Variants in L3MBTL4 observed in about 807,000 individuals in gnomAD.
The protein encoded by L3MBTL4 is lethal(3)malignant brain tumor-like protein 4.
L3MBTL4 carries 70 observed loss-of-function variants against 84.5 expected under a neutral mutation model. The observed-to-expected ratio is 0.83, with a 90% CI of 0.68 to 1.01. The LOEUF (loss-of-function observed/expected upper bound fraction) is 1.01, where lower values mean the gene tolerates loss of function less well. Ranked by LOEUF, L3MBTL4 falls within the 50% of genes least tolerant of loss-of-function variation. The probability of loss-of-function intolerance (pLI) is 0.00; values close to 1 mark genes in which losing one functional copy is unlikely to be tolerated. For missense variants in L3MBTL4, 715 were observed against 754.8 expected (o/e 0.95, Z 0.62); for synonymous variants, 274 against 259.8 (o/e 1.05, Z -0.52).
At chr18:6,304,214 A>C (rs527357912) in intron 3 of L3MBTL4, among the ~76,000 whole-genome samples, 63 of 152,302 alleles carry the variant, frequency 4.1e-4, no homozygotes, top group South Asian at 6.2e-4. Flanking sequence ...AAGGTATAAA[A>C]GATAATTTGT....
intron 16 of L3MBTL4, among the ~76,000 whole-genome samples, chr18:6,061,109 G>A (rs896737722): frequency 6.6e-6 from 1 of 152,078 alleles, no homozygotes; most frequent in African/African-American, 2.4e-5. Context: ...CTTTCAAAGC[G>A]GCTGTACCAT....
At chr18:6,374,699 C>A (rs1157374940) in intron 1 of L3MBTL4, among the ~76,000 whole-genome samples, 3 of 152,112 alleles carry the variant, frequency 2.0e-5, no homozygotes, top group African/African-American at 4.8e-5. Context: ...GAGTCCTGGT[C>A]CCAGTGAAAA....
At chr18:5,999,075 T>C (rs931606161) in intron 16 of L3MBTL4, among the ~76,000 whole-genome samples, 5 of 152,218 alleles carry the variant, frequency 3.3e-5, no homozygotes, top group African/African-American at 1.2e-4. Flanking sequence ...GACACCTGAC[T>C]CACAGTCCCA....
At chr18:6,066,838 C>T (rs2057415154) in intron 16 of L3MBTL4, among the ~76,000 whole-genome samples, 1 of 150,658 alleles carries the variant, frequency 6.6e-6, no homozygotes, top group Non-Finnish European at 1.5e-5. Context: ...AAGTAGAACA[C>T]TTAGGCCGTT....
chr18:6,365,821 TGCC>T (rs1333562951), intron 1 of L3MBTL4, among the ~76,000 whole-genome samples: 2 of 152,246 alleles, frequency 1.3e-5, no homozygotes, highest in African/African-American at 4.8e-5. Context: ...CATTAGAGTT[TGCC>T]CTAAGTCACT....
At chr18:6,332,181 T>C (rs971421966) in intron 1 of L3MBTL4, among the ~76,000 whole-genome samples, 25 of 152,188 alleles carry the variant, frequency 1.6e-4, no homozygotes, top group Non-Finnish European at 2.6e-4. Context: ...AGGGAAATAA[T>C]GCTACCCTAC....
intron 17 of L3MBTL4, among the ~76,000 whole-genome samples, chr18:5,961,294 C>T (rs2095262141): frequency 6.6e-6 from 1 of 152,154 alleles, no homozygotes; most frequent in Non-Finnish European, 1.5e-5. Context: ...AGACGCTGCC[C>T]CTGACGGTGC....
At chr18:6,196,797 C>T (rs1156358488) in intron 12 of L3MBTL4, among the ~76,000 whole-genome samples, 2 of 152,210 alleles carry the variant, frequency 1.3e-5, no homozygotes, top group African/African-American at 2.4e-5. Context: ...GAGGAAGCCA[C>T]AACCATGTTG....
chr18:6,045,916 C>T (rs1029662628), intron 16 of L3MBTL4, among the ~76,000 whole-genome samples: 2 of 152,130 alleles, frequency 1.3e-5, no homozygotes, highest in African/African-American at 2.4e-5. Context: ...TAGTCTAAAA[C>T]TCTCCACTTA....
At chr18:6,209,910 T>A (rs1055293919) in intron 12 of L3MBTL4, among the ~76,000 whole-genome samples, 1 of 152,154 alleles carries the variant, frequency 6.6e-6, no homozygotes, top group Non-Finnish European at 1.5e-5. Context: ...ATTATAGGAT[T>A]CTGTTTATAT....
At chr18:6,161,247 A>C (rs2043325452) in intron 13 of L3MBTL4, among the ~76,000 whole-genome samples, 1 of 152,248 alleles carries the variant, frequency 6.6e-6, no homozygotes, top group African/African-American at 2.4e-5. Flanking sequence ...TTAATCTGGC[A>C]GCAGGGTACC....
intron 1 of L3MBTL4, among the ~76,000 whole-genome samples, chr18:6,370,470 C>T (rs921768509): frequency 6.6e-6 from 1 of 152,130 alleles, no homozygotes; most frequent in Non-Finnish European, 1.5e-5. Context: ...AATCACCAGC[C>T]GCCCGTCTAT....
chr18:6,339,629 A>T (rs1396992013), intron 1 of L3MBTL4, among the ~76,000 whole-genome samples: 1 of 152,202 alleles, frequency 6.6e-6, no homozygotes, highest in Non-Finnish European at 1.5e-5. Flanking sequence ...TGGAAATAAA[A>T]TGCACAATAG....
At chr18:5,982,462 T>C (rs1485617429) in intron 16 of L3MBTL4, among the ~76,000 whole-genome samples, 2 of 152,166 alleles carry the variant, frequency 1.3e-5, no homozygotes, top group South Asian at 2.1e-4. Flanking sequence ...AAGGTCTCTG[T>C]CACATGAAAT....
intron 16 of L3MBTL4, among the ~76,000 whole-genome samples, chr18:6,073,176 T>C (rs1275329265): frequency 7.0e-6 from 1 of 142,392 alleles, no homozygotes; most frequent in Admixed American, 7.0e-5. Flanking sequence ...AGAGAGAGAG[T>C]GAGAGAGACA....
intron 16 of L3MBTL4, among the ~76,000 whole-genome samples, chr18:5,990,621 T>A (rs921299814): frequency 2.0e-5 from 3 of 152,230 alleles, no homozygotes; most frequent in African/African-American, 7.2e-5. Context: ...ATTTTGCTTA[T>A]GTGCGTGGAT....
At chr18:6,334,294 G>T (rs941916846) in intron 1 of L3MBTL4, among the ~76,000 whole-genome samples, 1 of 152,050 alleles carries the variant, frequency 6.6e-6, no homozygotes, top group Admixed American at 6.6e-5. Context: ...TAGCTTGGAA[G>T]AAAAACCCAG....
At chr18:6,206,269 C>T (rs905578045) in intron 12 of L3MBTL4, among the ~76,000 whole-genome samples, 3 of 152,170 alleles carry the variant, frequency 2.0e-5, no homozygotes, top group Non-Finnish European at 4.4e-5. Context: ...TAGCATCCCT[C>T]AGACACTCAA....
At chr18:6,362,389 C>T (rs548414507) in intron 1 of L3MBTL4, among the ~76,000 whole-genome samples, 53 of 152,230 alleles carry the variant, frequency 3.5e-4, no homozygotes, top group Non-Finnish European at 5.6e-4. Flanking sequence ...ACTAGGAGAG[C>T]TCACGTAGAC....
Sources: allele counts gnomAD v4.1 joint callset (sites outside exome capture counted in the v4.1 genomes callset), GRCh38; gene constraint gnomAD v4.1.1; transcripts MANE v1.5; gene names NCBI Gene and HGNC (gene_info 2026-07-23, HGNC 2026-07-21).